The following CTNNAL1 variants were observed in gnomAD, a reference collection of about 807,000 sequenced individuals.
CTNNAL1 encodes alpha-catulin.
CTNNAL1 carries 69 observed loss-of-function variants against 93.6 expected under a neutral mutation model. The ratio of observed to expected loss-of-function variants is 0.74; its 90% CI spans 0.61 to 0.90. The LOEUF is 0.90. Ranked by LOEUF, CTNNAL1 falls within the 40% of genes least tolerant of loss-of-function variation. The probability of loss-of-function intolerance (pLI) is 0.00; values close to 1 mark genes in which losing one functional copy is unlikely to be tolerated. For missense variants in CTNNAL1, 836 were observed against 862.0 expected (o/e 0.97, Z 0.38); for synonymous variants, 286 against 305.4 (o/e 0.94, Z 0.66).
At chr9:108,944,519 G>C (rs2132075934) in intron 15 of CTNNAL1, among the ~76,000 whole-genome samples, 1 of 152,208 alleles carries the variant, frequency 6.6e-6, no homozygotes, top group South Asian at 2.1e-4. Flanking sequence ...CTTTTTTTCA[G>C]ATTAATTTTC....
chr9:108,989,721 G>A (rs1831727996), intron 4 of CTNNAL1, among the ~76,000 whole-genome samples: 1 of 152,166 alleles, frequency 6.6e-6, no homozygotes, highest in Admixed American at 6.5e-5. Flanking sequence ...CAAAACTGAG[G>A]AGCTTACTGT....
chr9:109,009,220 G>A (rs537116176), intron 1 of CTNNAL1, among the ~76,000 whole-genome samples: 55 of 151,948 alleles, frequency 3.6e-4, no homozygotes, highest in African/African-American at 1.3e-3. Context: ...TAAAGAAGTC[G>A]AATTTATCCA....
chr9:108,966,809 T>C (rs1260569411), intron 10 of CTNNAL1, among the ~76,000 whole-genome samples: 4 of 152,234 alleles, frequency 2.6e-5, no homozygotes, highest in East Asian at 1.9e-4. Context: ...AATTGTAATA[T>C]AGGCAGAAAA....
chr9:109,011,518 C>T (rs932311578), intron 1 of CTNNAL1, among the ~76,000 whole-genome samples: 1 of 152,214 alleles, frequency 6.6e-6, no homozygotes, highest in East Asian at 1.9e-4. Flanking sequence ...AAGACTGATA[C>T]ATTTTTAGCA....
chr9:108,967,557 A>C, intron 10 of CTNNAL1, among the ~76,000 whole-genome samples: 1 of 152,236 alleles, frequency 6.6e-6, no homozygotes, highest in Non-Finnish European at 1.5e-5. Flanking sequence ...AATTAAAATA[A>C]ATTATAAAAT....
chr9:108,997,983 CA>C (rs1373065453), intron 2 of CTNNAL1, among the ~76,000 whole-genome samples: 4 of 152,224 alleles, frequency 2.6e-5, no homozygotes, highest in Admixed American at 1.3e-4. Flanking sequence ...CTGCCCAGCA[CA>C]AAATCTCCCA....
At chr9:109,008,733 T>C (rs1476642414) in intron 1 of CTNNAL1, among the ~76,000 whole-genome samples, 1 of 152,276 alleles carries the variant, frequency 6.6e-6, no homozygotes, top group African/African-American at 2.4e-5. Context: ...TTTTGACCAA[T>C]TTTTAATGGC....
chr9:108,983,706 G>T (rs1366843886), intron 5 of CTNNAL1, among the ~76,000 whole-genome samples: 13 of 152,176 alleles, frequency 8.5e-5, no homozygotes, highest in Admixed American at 7.9e-4. Flanking sequence ...TGATGTAAAT[G>T]AAAAACTCAA....
chr9:108,974,172 C>T (rs1294996613), intron 8 of CTNNAL1, among the ~76,000 whole-genome samples: 1 of 152,162 alleles, frequency 6.6e-6, no homozygotes, highest in Non-Finnish European at 1.5e-5. Context: ...CATTATCTCC[C>T]TTAATCCTTA....
chr9:108,999,799 C>T (rs1587989104), intron 1 of CTNNAL1, among the ~76,000 whole-genome samples: 3 of 152,024 alleles, frequency 2.0e-5, no homozygotes, highest in East Asian at 1.9e-4. Context: ...TTGTTGCATC[C>T]GACTCAAAAT....
intron 1 of CTNNAL1, among the ~76,000 whole-genome samples, chr9:109,002,705 G>A (rs935126713): frequency 5.9e-5 from 9 of 152,054 alleles, no homozygotes; most frequent in African/African-American, 1.7e-4. Context: ...TCTCCATGCC[G>A]TGCATGGTGG....
chr9:109,000,612 G>A (rs1055763135), intron 1 of CTNNAL1, among the ~76,000 whole-genome samples: 5 of 151,396 alleles, frequency 3.3e-5, no homozygotes, highest in African/African-American at 9.7e-5. Context: ...AAGACAAAGC[G>A]ATATTTAAGC....
intron 3 of CTNNAL1, 71 bp downstream of exon 3, chr9:108,992,561 C>G (rs915294700): frequency 1.3e-6 from 2 of 1,501,086 alleles, no homozygotes; most frequent in Non-Finnish European, 1.8e-6. Context: ...CAATCCACCA[C>G]TAAGAGTCAT....
chr9:108,947,946 A>G (rs1830452463), intron 15 of CTNNAL1, among the ~76,000 whole-genome samples: 1 of 152,188 alleles, frequency 6.6e-6, no homozygotes, highest in Non-Finnish European at 1.5e-5. Context: ...TTGACTACCA[A>G]CAAAGCCCAT....
Position 108,942,683 on chromosome 9 carries a change from A to C in CTNNAL1, c.*86T>G. The C allele has an allele frequency of 7.5e-6, 7 of 937,134 alleles. No homozygotes were observed. Among genetic ancestry groups the C allele is most frequent in the Non-Finnish European group, 1.2e-5 (7 of 600,574 alleles). The allele number at this position is 937,134 out of a possible 1,614,324, so 58.1% of individuals were successfully genotyped here. On this transcript the variant is annotated 3_prime_UTR_variant, in exon 19 of 19. Coordinates refer to ENST00000325551, the MANE Select transcript of CTNNAL1 (RefSeq NM_003798.4). ...ATTGTTTTCTTTATAAAATTGATGAATTTCTGAAAAGATAAAGGATCATTT... is the reference window on the plus strand; with the variant it reads ...ATTGTTTTCTTTATAAAATTGATGACTTTCTGAAAAGATAAAGGATCATTT...
chr9:109,008,826 C>T (rs1038435246), intron 1 of CTNNAL1, among the ~76,000 whole-genome samples: 1 of 143,906 alleles, frequency 6.9e-6, no homozygotes, highest in African/African-American at 2.5e-5. Context: ...GTGTTGGAAT[C>T]ATATTCTCCC....
intron 4 of CTNNAL1, among the ~76,000 whole-genome samples, chr9:108,984,738 A>G (rs557929763): frequency 1.3e-5 from 2 of 152,306 alleles, no homozygotes; most frequent in Admixed American, 6.5e-5. Flanking sequence ...TCTCACGTCA[A>G]ATGCACACAC....
chr9:108,943,762 G>C lies in CTNNAL1; in HGVS notation c.1996C>G (p.Leu666Val), dbSNP rs761403846. 1.3e-5 allele frequency: 21 copies of C among 1,613,764 alleles called. 1 individual carries two copies. In the East Asian group the frequency reaches 3.8e-4, roughly 29 times the overall value. The stretch of plus-strand genomic sequence containing the variant: ...GTTACTGTCTGGAGCTGGTGGCATA[G>C]AGGAATTAGCTTGTTTATTTCCAGG... ...LLLEINKLIPLCHQLQTVTKT... is the reference protein window; with the variant it reads ...LLLEINKLIPVCHQLQTVTKT... The change falls in exon 17 of 19, where the codon CTA becomes GTA. Residue 666 changes from leucine to valine, a missense_variant. Leu to Val is a conservative substitution (Grantham distance 32). Transcript: ENST00000325551.
rs1023762967 is a variant in CTNNAL1 at position 108,944,415 on chromosome 9, A to G, written c.1885-397T>C. On this transcript the variant is annotated intron_variant, in intron 15 of 18. Transcript: ENST00000325551. Reference sequence around the variant, plus strand: ...AGGTCAAAAGGGTTAGGACCTTCCCAATTCCATCTAGGCAAGACAAAATTT... The same window carrying G: ...AGGTCAAAAGGGTTAGGACCTTCCCGATTCCATCTAGGCAAGACAAAATTT... Among the ~76,000 whole-genome samples, 2 of 148,740 alleles carry G rather than the reference A, an allele frequency of 1.3e-5. 1 individual carries two copies. The highest frequency in any genetic ancestry group is 4.2e-4 in the South Asian group (2 of 4,726).
Sources: allele counts gnomAD v4.1 joint callset (sites outside exome capture counted in the v4.1 genomes callset), GRCh38; gene constraint gnomAD v4.1.1; transcripts MANE v1.5; gene names NCBI Gene and HGNC (gene_info 2026-07-23, HGNC 2026-07-21).